ARG2: variants seen among roughly 807,000 people sequenced by gnomAD.
The protein encoded by ARG2 is arginase 2, also known as arginase-2, mitochondrial.
ARG2 carries 21 observed loss-of-function variants against 39.4 expected under a neutral mutation model. The observed-to-expected ratio is 0.53, with a 90% CI of 0.38 to 0.77. The LOEUF (loss-of-function observed/expected upper bound fraction) is 0.77, where lower values mean the gene tolerates loss of function less well. ARG2 is among the 30% of genes least tolerant of loss of function. ARG2 has a pLI of 0.00. For missense variants in ARG2, 378 were observed against 426.2 expected (o/e 0.89, Z 1.00); for synonymous variants, 150 against 156.7 (o/e 0.96, Z 0.32).
chr14:67,626,523 CT>C (rs569176433), intron 2 of ARG2, among the ~76,000 whole-genome samples: 68 of 149,902 alleles, frequency 4.5e-4, no homozygotes, highest in Non-Finnish European at 8.5e-4. Flanking sequence ...TTCACACAAA[CT>C]TTTTTTTTTA....
chr14:67,638,884 T>C (rs1014322935), intron 2 of ARG2, among the ~76,000 whole-genome samples: 1 of 152,244 alleles, frequency 6.6e-6, no homozygotes, highest in African/African-American at 2.4e-5. Context: ...CAGTGTCCAC[T>C]GTCTAGAAGC....
chr14:67,642,316 A>T lies in ARG2; in HGVS notation c.315A>T (p.Arg105Ser), dbSNP rs780686719. The change falls in exon 3 of 8, where the codon AGA becomes AGT. Residue 105 changes from arginine to serine, a missense_variant. Transcript: ENST00000261783. ...ANQELAEVVS[R>S]AVSDGYSCVT... ...AGGAACTGGCTGAGGTGGTTAGCAG[A>T]GCTGTGTCAGATGGCTACAGCTGTG... The T allele has an allele frequency of 3.5e-5, 57 of 1,614,110 alleles. No homozygotes were observed. The highest frequency in any genetic ancestry group is 1.0e-4 in the Admixed American group (6 of 59,994).
Position 67,651,027 on chromosome 14 carries a change from A to G in ARG2, c.*107A>G. The G allele has an allele frequency of 8.5e-7, 1 of 1,182,370 alleles. No homozygotes were observed. The highest frequency in any genetic ancestry group is 1.5e-5 in the African/African-American group (1 of 66,428). The allele number at this position is 1,182,370 out of a possible 1,614,324, so 73.2% of individuals were successfully genotyped here. ...TGTCTGGGTCAATACTGCCTTAATG[A>G]GAACATTTACACATTCTCACAATTG... On this transcript the variant is annotated 3_prime_UTR_variant, in exon 8 of 8. Coordinates refer to ENST00000261783, the MANE Select transcript of ARG2 (RefSeq NM_001172.4).
intron 2 of ARG2, among the ~76,000 whole-genome samples, chr14:67,630,136 T>C (rs2036904765): frequency 6.6e-6 from 1 of 152,188 alleles, no homozygotes; most frequent in African/African-American, 2.4e-5. Flanking sequence ...TCAGTTGTAT[T>C]GACAAAGAAC....
Position 67,650,882 on chromosome 14 carries a change from C to T in ARG2, c.1027C>T (p.Pro343Ser). 1 of 1,614,084 alleles carries T rather than the reference C, an allele frequency of 6.2e-7. No individual in the cohort carries two copies. Among genetic ancestry groups the T allele is most frequent in the Non-Finnish European group, 8.5e-7 (1 of 1,179,990 alleles). Residue 343 changes from proline (P) to serine (S), a missense_variant, in exon 8 of 8, where the codon CCA (proline) becomes TCA (serine). Pro to Ser is a moderately conservative substitution (Grantham distance 74). Coordinates refer to ENST00000261783, the MANE Select transcript of ARG2 (RefSeq NM_001172.4). ...VYDQLPTPSS[P>S]DESENQARVR... ...TGACCAACTTCCTACTCCCAGTTCA[C>T]CAGATGAATCAGAAAATCAAGCACG...
At chr14:67,631,055 C>T (rs938809105) in intron 2 of ARG2, among the ~76,000 whole-genome samples, 5 of 152,196 alleles carry the variant, frequency 3.3e-5, no homozygotes, top group Non-Finnish European at 7.3e-5. Context: ...CATTATCCCT[C>T]CCCTCACCTC....
rs1032927617 is a variant in ARG2 at position 67,639,321 on chromosome 14, T to C, written c.185-2865T>C. 5.3e-5 allele frequency among the ~76,000 whole-genome samples: 8 copies of C among 152,230 alleles called. No homozygotes were observed. In the South Asian group the frequency reaches 1.4e-3, roughly 28 times the overall value. The stretch of plus-strand genomic sequence containing the variant: ...ACTGGATTGAGCACTTTAATTTCCC[T>C]GTATTTCTTCTTGGTCCTATGAGGA... On this transcript the variant is annotated intron_variant, in intron 2 of 7. Coordinates refer to ENST00000261783, the MANE Select transcript of ARG2 (RefSeq NM_001172.4).
intron 2 of ARG2, among the ~76,000 whole-genome samples, chr14:67,633,278 T>TC (rs1352130294): frequency 1.3e-5 from 2 of 152,220 alleles, no homozygotes; most frequent in Non-Finnish European, 2.9e-5. Context: ...TCTTTTTTTT[T>TC]CTTCTTTGCA....
intron 2 of ARG2, among the ~76,000 whole-genome samples, chr14:67,625,680 CAAAAAA>C (rs1176476000): frequency 9.3e-5 from 3 of 32,128 alleles, no homozygotes; most frequent in Non-Finnish European, 2.0e-4. Flanking sequence ...AACTCCATCT[CAAAAAA>C]AAAAAAAAAA....
At chr14:67,626,044 A>G (rs568519224) in intron 2 of ARG2, among the ~76,000 whole-genome samples, 1 of 152,270 alleles carries the variant, frequency 6.6e-6, no homozygotes, top group South Asian at 2.1e-4. Context: ...ATTTCAGGTC[A>G]GGAGTTCAAA....
chr14:67,620,482 G>A (rs2036797873), intron 1 of ARG2, among the ~76,000 whole-genome samples: 1 of 152,188 alleles, frequency 6.6e-6, no homozygotes, highest in Non-Finnish European at 1.5e-5. Context: ...TAAAAGGAGC[G>A]ACCGAGGATT....
chr14:67,641,131 C>CT (rs1203756349), intron 2 of ARG2, among the ~76,000 whole-genome samples: 1 of 152,082 alleles, frequency 6.6e-6, no homozygotes, highest in Non-Finnish European at 1.5e-5. Flanking sequence ...ATAGTGACAC[C>CT]TTTGTTTTCT....
chr14:67,646,748 T>G lies in ARG2; in HGVS notation c.617+10T>G. On this transcript the variant is annotated intron_variant, in intron 5 of 7. Coordinates refer to ENST00000261783, the MANE Select transcript of ARG2 (RefSeq NM_001172.4). ...TGGACCCTCCTGAACAGTAAGTTGA[T>G]GCATTTGGCTGAAGTTTAGGGCCTG... is the stretch of plus-strand genomic sequence containing the variant. 6.2e-7 allele frequency: 1 copy of G among 1,601,248 alleles called. No individual in the cohort carries two copies. The highest frequency in any genetic ancestry group is 1.3e-5 in the African/African-American group (1 of 74,728).
At chr14:67,645,177 CT>C (rs879488836) in intron 3 of ARG2, among the ~76,000 whole-genome samples, 80 of 143,274 alleles carry the variant, frequency 5.6e-4, no homozygotes, top group Admixed American at 5.6e-4. Context: ...ACCTAGATTT[CT>C]TTTTTTTTTT....
chr14:67,626,253 CA>C (rs1566795521), intron 2 of ARG2, among the ~76,000 whole-genome samples: 2 of 150,890 alleles, frequency 1.3e-5, no homozygotes, highest in East Asian at 3.9e-4. Context: ...GACTCTGTCT[CA>C]GGGGAAAAAA....
intron 2 of ARG2, among the ~76,000 whole-genome samples, chr14:67,632,201 A>C (rs2036925550): frequency 1.3e-5 from 2 of 152,044 alleles, no homozygotes; most frequent in South Asian, 4.1e-4. Context: ...CTTTATCTCT[A>C]ATACTTATTT....
intron 2 of ARG2, among the ~76,000 whole-genome samples, chr14:67,631,320 T>A (rs2140731555): frequency 6.6e-6 from 1 of 152,334 alleles, no homozygotes; most frequent in Admixed American, 6.5e-5. Flanking sequence ...AATGAACAGA[T>A]GAACAGTGTA....
chr14:67,645,272 C>T lies in ARG2; in HGVS notation c.363-371C>T, dbSNP rs967653213. 3.9e-5 allele frequency among the ~76,000 whole-genome samples: 6 copies of T among 151,936 alleles called. No homozygotes were observed. The East Asian group carries it at 1.2e-3, about 29-fold the overall frequency. On this transcript the variant is annotated intron_variant, in intron 3 of 7. Transcript: ENST00000261783. ...CATGTGATCCTCTCACCTCAGTCCTCTGAGTAGCCAGGATTACAGGTGTAC... is the reference window on the plus strand; with the variant it reads ...CATGTGATCCTCTCACCTCAGTCCTTTGAGTAGCCAGGATTACAGGTGTAC...
At chr14:67,626,024 C>T (rs58668895) in intron 2 of ARG2, among the ~76,000 whole-genome samples, 31,196 of 151,960 alleles carry the variant, frequency 0.21, 3,970 homozygotes, top group African/African-American at 0.36. Flanking sequence ...GAGGCTGAGG[C>T]GGGCAGATCA....
Sources: gnomAD v4.1 joint callset for allele counts (sites outside exome capture counted in the v4.1 genomes callset) on GRCh38, gnomAD v4.1.1 for gene constraint, MANE v1.5 for transcripts, NCBI Gene and HGNC (gene_info 2026-07-23, HGNC 2026-07-21) for gene names.